The following CSMD3 variants were observed in gnomAD, a reference collection of about 807,000 sequenced individuals.
CSMD3 encodes the protein CUB and Sushi multiple domains 3, also known as CUB and sushi domain-containing protein 3.
Under a neutral mutation model 435.2 loss-of-function variants are expected in CSMD3, and 177 were observed. The ratio of observed to expected loss-of-function variants is 0.41; its 90% CI spans 0.36 to 0.46. CSMD3 has a LOEUF of 0.46. Among genes scored for constraint, CSMD3 ranks in the 20% least tolerant of loss-of-function variants. The probability of loss-of-function intolerance (pLI) is 0.34; values close to 1 mark genes in which losing one functional copy is unlikely to be tolerated. For synonymous variants in CSMD3, 1,656 were observed against 1,520.5 expected (o/e 1.09, Z -2.07); for missense variants, 4,265 against 4,504.6 (o/e 0.95, Z 1.52).
intron 4 of CSMD3, among the ~76,000 whole-genome samples, chr8:113,159,816 T>G (rs1035102988): frequency 1.3e-5 from 2 of 151,934 alleles, no homozygotes; most frequent in African/African-American, 4.8e-5. Context: ...CAATAATAAT[T>G]TGTCCTAATA....
At chr8:113,363,791 C>T (rs980546188) in intron 1 of CSMD3, among the ~76,000 whole-genome samples, 3 of 152,108 alleles carry the variant, frequency 2.0e-5, no homozygotes, top group African/African-American at 7.2e-5. Flanking sequence ...AGTTCACATT[C>T]ACAGGTTCCA....
chr8:112,293,869 C>T (rs1820009671), intron 54 of CSMD3, among the ~76,000 whole-genome samples: 1 of 152,088 alleles, frequency 6.6e-6, no homozygotes, highest in African/African-American at 2.4e-5. Context: ...TGTCAACCTA[C>T]CCATTTGGGA....
chr8:112,516,783 C>G (rs903750976), intron 28 of CSMD3, among the ~76,000 whole-genome samples: 2 of 152,026 alleles, frequency 1.3e-5, no homozygotes, highest in Non-Finnish European at 2.9e-5. Flanking sequence ...ATATAATTTT[C>G]CAAGAGCTTT....
At chr8:113,281,256 T>C (rs956297239) in intron 2 of CSMD3, among the ~76,000 whole-genome samples, 1 of 151,936 alleles carries the variant, frequency 6.6e-6, no homozygotes, top group African/African-American at 2.4e-5. Flanking sequence ...TCTAGTACTG[T>C]CGGTGGAGTG....
At chr8:112,475,710 C>A (rs978521151) in intron 31 of CSMD3, among the ~76,000 whole-genome samples, 4 of 152,040 alleles carry the variant, frequency 2.6e-5, no homozygotes, top group South Asian at 2.1e-4. Flanking sequence ...ATAAGTCAGG[C>A]CAACTTCACA....
intron 35 of CSMD3, among the ~76,000 whole-genome samples, chr8:112,392,410 G>T (rs9650044): frequency 0.41 from 60,947 of 150,404 alleles, 14,246 homozygotes; most frequent in Middle Eastern, 0.59. Context: ...TTCTTACAAA[G>T]CTCTGTAAAT....
At chr8:112,390,058 T>C (rs1830288572) in intron 36 of CSMD3, among the ~76,000 whole-genome samples, 1 of 152,218 alleles carries the variant, frequency 6.6e-6, no homozygotes, top group Non-Finnish European at 1.5e-5. Context: ...TTACTCCTGA[T>C]ACGTAATATA....
At chr8:113,028,692 C>T (rs146067856) in intron 5 of CSMD3, among the ~76,000 whole-genome samples, 1 of 151,440 alleles carries the variant, frequency 6.6e-6, no homozygotes, top group East Asian at 1.9e-4. Context: ...TCAGCCAAAG[C>T]CTAATTCAGA....
intron 12 of CSMD3, among the ~76,000 whole-genome samples, chr8:112,814,307 T>C (rs2079310746): frequency 6.6e-6 from 1 of 152,168 alleles, no homozygotes; most frequent in Admixed American, 6.5e-5. Flanking sequence ...AGACAGTCAT[T>C]GTATTGAAAA....
chr8:112,908,152 C>T (rs1427174132), intron 10 of CSMD3, among the ~76,000 whole-genome samples: 1 of 151,418 alleles, frequency 6.6e-6, no homozygotes, highest in Non-Finnish European at 1.5e-5. Flanking sequence ...TCAAATAGAA[C>T]TTTAGGAAAT....
At chr8:112,258,702 T>C (rs1816055797) in intron 61 of CSMD3, among the ~76,000 whole-genome samples, 1 of 152,300 alleles carries the variant, frequency 6.6e-6, no homozygotes, top group African/African-American at 2.4e-5. Context: ...GTTCAACCAC[T>C]GTGGAAGACA....
At chr8:112,456,320 T>C (rs1816839095) in intron 32 of CSMD3, among the ~76,000 whole-genome samples, 1 of 152,024 alleles carries the variant, frequency 6.6e-6, no homozygotes, top group South Asian at 2.1e-4. Flanking sequence ...GTTTTAGAAT[T>C]TAGCAAATAG....
At chr8:112,422,926 T>G (rs1812672602) in intron 32 of CSMD3, among the ~76,000 whole-genome samples, 1 of 152,212 alleles carries the variant, frequency 6.6e-6, no homozygotes, top group South Asian at 2.1e-4. Context: ...AGAGGTTTTA[T>G]CAGTCATTTG....
intron 3 of CSMD3, among the ~76,000 whole-genome samples, chr8:113,228,558 A>G (rs1189402484): frequency 1.3e-5 from 2 of 151,396 alleles, no homozygotes; most frequent in African/African-American, 2.4e-5. Flanking sequence ...CCCCTTTTAA[A>G]TACATTTCAT....
intron 3 of CSMD3, among the ~76,000 whole-genome samples, chr8:113,223,752 ATG>A (rs746390167): frequency 1.7e-5 from 2 of 120,890 alleles, no homozygotes; most frequent in African/African-American, 3.6e-5. Flanking sequence ...GTGTGTGTTT[ATG>A]TGTGTGTATG....
intron 11 of CSMD3, among the ~76,000 whole-genome samples, chr8:112,842,297 G>A (rs1490176684): frequency 6.6e-6 from 1 of 151,766 alleles, no homozygotes; most frequent in Admixed American, 6.6e-5. Flanking sequence ...AAGCTCTCTT[G>A]GCAGCAGCCT....
intron 27 of CSMD3, among the ~76,000 whole-genome samples, chr8:112,533,138 C>T (rs1041643358): frequency 8.6e-5 from 13 of 151,440 alleles, no homozygotes; most frequent in Non-Finnish European, 7.4e-5. Context: ...AAATAAAAAG[C>T]AAGGGATTCA....
rs1031464356 is a variant in CSMD3 at position 113,333,796 on chromosome 8, C to T, written c.179-19003G>A. Among the ~76,000 whole-genome samples, 9 of 151,858 alleles carry T rather than the reference C, an allele frequency of 5.9e-5. No individual in the cohort carries two copies. The South Asian group carries it at 8.3e-4, about 14-fold the overall frequency. ...ATAAAATTTAAAATAATGTTGTCTA[C>T]GTCTACAAAAAGTCTTGTTGAAATA... On this transcript the variant is annotated intron_variant, in intron 1 of 70. Transcript: ENST00000297405.
At chr8:113,139,698 G>A (rs995064918) in intron 4 of CSMD3, among the ~76,000 whole-genome samples, 5 of 150,844 alleles carry the variant, frequency 3.3e-5, no homozygotes, top group Non-Finnish European at 5.9e-5. Context: ...GCAGACTTAC[G>A]TCCTAACATC....
Sources: gnomAD v4.1 joint callset for allele counts (sites outside exome capture counted in the v4.1 genomes callset) on GRCh38, gnomAD v4.1.1 for gene constraint, MANE v1.5 for transcripts, NCBI Gene and HGNC (gene_info 2026-07-23, HGNC 2026-07-21) for gene names.